Variants in ZNF385D observed in about 807,000 individuals in gnomAD.
ZNF385D encodes the protein zinc finger protein 659.
ZNF385D carries 15 observed loss-of-function variants against 35.8 expected under a neutral mutation model. That is an observed-to-expected ratio of 0.42 (90% CI 0.28 to 0.64). The LOEUF (loss-of-function observed/expected upper bound fraction) is 0.64, where lower values mean the gene tolerates loss of function less well. Among genes scored for constraint, ZNF385D ranks in the 30% least tolerant of loss-of-function variants. The pLI, the probability that ZNF385D is intolerant of heterozygous loss-of-function variation, is 0.23. For missense variants in ZNF385D, 474 were observed against 494.6 expected, an observed-to-expected ratio of 0.96 and a Z score of 0.39; for synonymous variants, 212 against 186.8, an observed-to-expected ratio of 1.13 and a Z score of -1.10.
At position 21,683,936 on chromosome 3, in the gene ZNF385D, C is replaced by T. The variant is rs550720855; in HGVS notation, c.23-18908G>A. ...AGTCCAGCCAACATCTTCATTTCAG[C>T]CCTATGATACCCTGAACAGAGAACA... On this transcript the variant is annotated intron_variant, in intron 1 of 7. Coordinates refer to ENST00000281523, the MANE Select transcript of ZNF385D (RefSeq NM_024697.3). Among the ~76,000 whole-genome samples the T allele has an allele frequency of 9.7e-4, 146 of 150,104 alleles. 8 individuals are homozygous for T. The highest frequency in any genetic ancestry group is 1.7e-3 in the Non-Finnish European group (117 of 67,450).
intron 2 of ZNF385D, among the ~76,000 whole-genome samples, chr3:22,280,450 G>T (rs997069184): frequency 1.3e-5 from 2 of 151,662 alleles, no homozygotes; most frequent in Non-Finnish European, 2.9e-5. Flanking sequence ...TTTGTAAAAG[G>T]TAAGAGAAGA....
chr3:22,166,562 A>G lies in ZNF385D; in HGVS notation c.325+2255T>C, dbSNP rs566452902. Among the ~76,000 whole-genome samples the G allele has an allele frequency of 3.9e-5, 6 of 152,350 alleles. No homozygotes were observed. The South Asian group carries it at 1.2e-3, about 32-fold the overall frequency. On this transcript the variant is annotated intron_variant, in intron 3 of 5. Transcript: ENST00000494108. ...CAATGTCCACATCTATAAAAGGAAT[A>G]TAACAAGATCACTTTGGTTGGTTAT... is the stretch of plus-strand genomic sequence containing the variant.
intron 3 of ZNF385D, among the ~76,000 whole-genome samples, chr3:21,790,628 G>C: frequency 6.6e-6 from 1 of 152,112 alleles, no homozygotes; most frequent in East Asian, 1.9e-4. Context: ...GTGAGCATCT[G>C]GGTATTACAT....
chr3:21,571,147 T>C (rs2063324032), intron 2 of ZNF385D, among the ~76,000 whole-genome samples: 1 of 152,214 alleles, frequency 6.6e-6, no homozygotes, highest in South Asian at 2.1e-4. Flanking sequence ...ATCAAGTCTC[T>C]CAGTCCTGTA....
chr3:21,651,835 G>T (rs900542389), intron 2 of ZNF385D, among the ~76,000 whole-genome samples: 1 of 152,076 alleles, frequency 6.6e-6, no homozygotes, highest in South Asian at 2.1e-4. Flanking sequence ...GCATCAAATT[G>T]ACATTTTAAA....
At chr3:21,607,195 A>G (rs538680900) in intron 2 of ZNF385D, among the ~76,000 whole-genome samples, 117 of 152,286 alleles carry the variant, frequency 7.7e-4, no homozygotes, top group African/African-American at 2.7e-3. Context: ...ATACAAATAT[A>G]TATATAGAAA....
chr3:22,150,079 G>A (rs926560642), intron 3 of ZNF385D, among the ~76,000 whole-genome samples: 5 of 152,154 alleles, frequency 3.3e-5, no homozygotes, highest in African/African-American at 1.2e-4. Flanking sequence ...ACTTTCATCT[G>A]CATTACTGCA....
chr3:22,078,716 G>C (rs575505564), intron 3 of ZNF385D, among the ~76,000 whole-genome samples: 1 of 152,146 alleles, frequency 6.6e-6, no homozygotes, highest in South Asian at 2.1e-4. Flanking sequence ...TCAGGAATCT[G>C]TATCATAAGT....
At chr3:21,565,050 C>T (rs2063095358) in intron 2 of ZNF385D, among the ~76,000 whole-genome samples, 1 of 152,030 alleles carries the variant, frequency 6.6e-6, no homozygotes, top group Admixed American at 6.6e-5. Flanking sequence ...ATACCATTGC[C>T]CAAAAATGGA....
Position 22,311,742 on chromosome 3 carries a change from A to G in ZNF385D, c.106+60708T>C, listed in dbSNP as rs76344574. ...CTCTCATCTCATGCTTTGCTCTCCT[A>G]TTACGACACAAATCTAGTACTTTTA... On this transcript the variant is annotated intron_variant, in intron 2 of 5. Coordinates refer to the ZNF385D transcript ENST00000494108. Among the ~76,000 whole-genome samples the G allele has an allele frequency of 2.0e-5, 3 of 152,218 alleles. No individual in the cohort carries two copies. The East Asian group carries it at 5.8e-4, about 29-fold the overall frequency.
chr3:21,445,081 TC>T (rs1250522593), intron 4 of ZNF385D, among the ~76,000 whole-genome samples: 1 of 152,176 alleles, frequency 6.6e-6, no homozygotes, highest in Non-Finnish European at 1.5e-5. Context: ...ATAAGTAGGA[TC>T]CCATATTGGC....
At chr3:21,832,030 T>C (rs1291602683) in intron 3 of ZNF385D, among the ~76,000 whole-genome samples, 1 of 152,316 alleles carries the variant, frequency 6.6e-6, no homozygotes, top group East Asian at 1.9e-4. Flanking sequence ...GATTTACTTA[T>C]AGAAACATTA....
At chr3:21,902,357 A>G (rs1699455290) in intron 3 of ZNF385D, among the ~76,000 whole-genome samples, 1 of 152,062 alleles carries the variant, frequency 6.6e-6, no homozygotes, top group African/African-American at 2.4e-5. Flanking sequence ...ATAGGGCTTC[A>G]TTTGTTCTAG....
chr3:21,490,034 T>C (rs2125403580), intron 4 of ZNF385D, among the ~76,000 whole-genome samples: 1 of 152,302 alleles, frequency 6.6e-6, no homozygotes, highest in African/African-American at 2.4e-5. Flanking sequence ...TTAAACCTTA[T>C]ATAAATCTGA....
chr3:21,771,161 G>A (rs2071060587), intron 3 of ZNF385D, among the ~76,000 whole-genome samples: 2 of 151,632 alleles, frequency 1.3e-5, no homozygotes, highest in East Asian at 3.9e-4. Context: ...AATGGGTGCA[G>A]CACACCAACA....
intron 3 of ZNF385D, among the ~76,000 whole-genome samples, chr3:21,836,277 A>G (rs1324806869): frequency 6.6e-6 from 1 of 152,118 alleles, no homozygotes; most frequent in East Asian, 1.9e-4. Flanking sequence ...TTTTCGTGTC[A>G]CTTTTTCGAT....
chr3:22,131,801 A>G (rs1703811129), intron 3 of ZNF385D, among the ~76,000 whole-genome samples: 1 of 152,182 alleles, frequency 6.6e-6, no homozygotes, highest in Admixed American at 6.6e-5. Context: ...GATGAGAGAA[A>G]GCTATTAAAC....
chr3:21,940,040 T>C (rs552707987), intron 3 of ZNF385D, among the ~76,000 whole-genome samples: 1 of 152,330 alleles, frequency 6.6e-6, no homozygotes, highest in East Asian at 1.9e-4. Context: ...TGAACATGCC[T>C]CACTTCTTTC....
At chr3:22,208,756 A>T (rs1697324596) in intron 2 of ZNF385D, among the ~76,000 whole-genome samples, 3 of 151,860 alleles carry the variant, frequency 2.0e-5, no homozygotes, top group Non-Finnish European at 4.4e-5. Context: ...AGTATGCACA[A>T]TACTTTTCTA....
Sources: gnomAD v4.1 joint callset for allele counts (sites outside exome capture counted in the v4.1 genomes callset) on GRCh38, gnomAD v4.1.1 for gene constraint, MANE v1.5 for transcripts, NCBI Gene and HGNC (gene_info 2026-07-23, HGNC 2026-07-21) for gene names.